Variants in CELF2 observed in about 807,000 individuals in gnomAD.
The protein encoded by CELF2 is CUGBP Elav-like family member 2.
CELF2 carries 8 observed loss-of-function variants against 62.6 expected under a neutral mutation model. That is an observed-to-expected ratio of 0.13 (90% confidence interval 0.07 to 0.23). The LOEUF is 0.23. CELF2 is among the 10% of genes least tolerant of loss of function. The pLI, the probability that CELF2 is intolerant of heterozygous loss-of-function variation, is 1.00. For missense variants in CELF2, 333 were observed against 671.0 expected (o/e 0.50, Z 5.56); for synonymous variants, 258 against 250.0 (o/e 1.03, Z -0.30).
At chr10:10,951,157 C>G (rs532505125) in intron 2 of CELF2, among the ~76,000 whole-genome samples, 1 of 152,144 alleles carries the variant, frequency 6.6e-6, no homozygotes, top group Non-Finnish European at 1.5e-5. Context: ...CCTCCTTTTT[C>G]TTTTCTTTTT....
intron 1 of CELF2, among the ~76,000 whole-genome samples, chr10:11,024,926 A>G (rs2138363781): frequency 6.6e-6 from 1 of 152,322 alleles, no homozygotes; most frequent in Admixed American, 6.5e-5. Context: ...TGATTTACAT[A>G]CTAAGTCTAA....
intron 2 of CELF2, among the ~76,000 whole-genome samples, chr10:10,925,416 G>A (rs1259547349): frequency 6.6e-6 from 1 of 151,878 alleles, no homozygotes; most frequent in African/African-American, 2.4e-5. Context: ...TGCCAAGCAT[G>A]GTTGTCAGCT....
chr10:11,122,680 T>C (rs539094465), intron 1 of CELF2, among the ~76,000 whole-genome samples: 1 of 152,260 alleles, frequency 6.6e-6, no homozygotes, highest in South Asian at 2.1e-4. Context: ...AACAGGCCTC[T>C]TACAACAAGC....
intron 3 of CELF2, among the ~76,000 whole-genome samples, chr10:11,225,381 G>C (rs181983088): frequency 4.8e-4 from 73 of 152,276 alleles, no homozygotes; most frequent in African/African-American, 1.7e-3. Context: ...AAACAAAAAT[G>C]GTTGGACTGA....
chr10:11,037,973 GAA>G (rs10706637), intron 1 of CELF2, among the ~76,000 whole-genome samples: 2 of 151,222 alleles, frequency 1.3e-5, no homozygotes, highest in South Asian at 2.1e-4. Flanking sequence ...GAAGTTTATG[GAA>G]AAAAAAAACA....
chr10:10,916,717 A>G (rs778198235), intron 1 of CELF2, among the ~76,000 whole-genome samples: 46 of 152,194 alleles, frequency 3.0e-4, no homozygotes, highest in Non-Finnish European at 4.6e-4. Context: ...GGTTCAAGCA[A>G]TTCTCCTGCC....
rs142440830 is a variant in CELF2, at chr10:10,940,836, T to C, written c.89+20837T>C. On this transcript the variant is annotated intron_variant, in intron 2 of 13. Transcript: ENST00000636488. ...GAGCTTTTCCTTCCAAAAATATATA[T>C]GTTTTTGGCTTATTTGATGGTTTTG... Among the ~76,000 whole-genome samples the C allele has an allele frequency of 4.8e-3, 732 of 152,288 alleles. 10 individuals carry two copies. Among genetic ancestry groups the C allele is most frequent in the Non-Finnish European group, 6.0e-3 (411 of 68,014 alleles).
chr10:10,839,007 G>A (rs143883636), intron 1 of CELF2, among the ~76,000 whole-genome samples: 188 of 152,222 alleles, frequency 1.2e-3, no homozygotes, highest in African/African-American at 4.0e-3. Context: ...TTAGCCAGAC[G>A]TGGTGGCACA....
intron 2 of CELF2, among the ~76,000 whole-genome samples, chr10:10,992,345 G>C (rs1347650742): frequency 1.3e-5 from 2 of 152,098 alleles, no homozygotes; most frequent in East Asian, 3.8e-4. Flanking sequence ...GATTCCCCAG[G>C]CATGCTTTTC....
intron 2 of CELF2, among the ~76,000 whole-genome samples, chr10:10,950,731 C>T (rs913554051): frequency 6.6e-6 from 1 of 152,122 alleles, no homozygotes; most frequent in Non-Finnish European, 1.5e-5. Flanking sequence ...TAAATTGCCT[C>T]GGGGCACAAG....
intron 1 of CELF2, among the ~76,000 whole-genome samples, chr10:10,879,458 G>C (rs1392540902): frequency 6.6e-6 from 1 of 152,170 alleles, no homozygotes; most frequent in African/African-American, 2.4e-5. Flanking sequence ...TTGTTGCAAA[G>C]CTCACATTTG....
intron 1 of CELF2, among the ~76,000 whole-genome samples, chr10:11,142,649 G>A (rs1358771461): frequency 6.8e-6 from 1 of 146,638 alleles, no homozygotes; most frequent in Non-Finnish European, 1.5e-5. Flanking sequence ...ATGCCACTGC[G>A]GTCCAGCCTG....
the CELF2 span, among the ~76,000 whole-genome samples, chr10:10,717,549 T>G: frequency 6.6e-6 from 1 of 152,238 alleles, no homozygotes; most frequent in South Asian, 2.1e-4. Context: ...TAAATGGAAA[T>G]GAAACATTTT....
At chr10:10,709,983 T>C in the CELF2 span, among the ~76,000 whole-genome samples, 5 of 152,222 alleles carry the variant, frequency 3.3e-5, no homozygotes, top group Admixed American at 6.5e-5. Context: ...CTTGTGCGAA[T>C]AACAAGACTA....
chr10:10,577,925 G>T, the CELF2 span, among the ~76,000 whole-genome samples: 1 of 152,158 alleles, frequency 6.6e-6, no homozygotes, highest in Non-Finnish European at 1.5e-5. Context: ...GATCCCTGAG[G>T]AATCGCCACA....
At chr10:11,152,430 G>T (rs1045543525) in intron 1 of CELF2, among the ~76,000 whole-genome samples, 4 of 152,054 alleles carry the variant, frequency 2.6e-5, no homozygotes, top group Non-Finnish European at 4.4e-5. Context: ...AAAAAATCTG[G>T]TGGGAAAGAT....
At chr10:11,004,521 G>T (rs949975011), upstream of CELF2, among the ~76,000 whole-genome samples, 7 of 151,792 alleles carry the variant, frequency 4.6e-5, no homozygotes, top group Non-Finnish European at 1.0e-4. This position sits in a 1 kb window ranked among gnomAD's most constrained non-coding sequence, Gnocchi z 5.0. Context: ...TATTTCCCTG[G>T]TTAACTGTAC....
the CELF2 span, among the ~76,000 whole-genome samples, chr10:10,504,117 T>C: frequency 6.6e-6 from 1 of 152,080 alleles, no homozygotes; most frequent in Non-Finnish European, 1.5e-5. Flanking sequence ...CCAACATAAT[T>C]TTTAAAACTT....
chr10:11,243,257 C>T lies in CELF2; in HGVS notation c.355-5896C>T, dbSNP rs1343609155. Among the ~76,000 whole-genome samples the T allele has an allele frequency of 6.6e-6, 1 of 151,954 alleles. No homozygotes were observed. The highest frequency in any genetic ancestry group is 1.5e-5 in the Non-Finnish European group (1 of 68,008). On this transcript the variant is annotated intron_variant, in intron 3 of 12. Coordinates refer to ENST00000633077, the MANE Select transcript of CELF2 (RefSeq NM_001326342.2). The surrounding 1 kb of genome is among the most constrained non-coding windows in gnomAD (Gnocchi z 4.1). ...GAAAGGGAAGGAGCCTTTGAAATTTCCCCTTTCGCTATGTTTCACTGGTTT... is the reference window on the plus strand; with the variant it reads ...GAAAGGGAAGGAGCCTTTGAAATTTTCCCTTTCGCTATGTTTCACTGGTTT...
Sources: allele counts gnomAD v4.1 joint callset (sites outside exome capture counted in the v4.1 genomes callset), GRCh38; gene constraint gnomAD v4.1.1; non-coding constraint Gnocchi (gnomAD v3.1); transcripts MANE v1.5; gene names NCBI Gene and HGNC (gene_info 2026-07-23, HGNC 2026-07-21).